The following TUSC3 variants were observed in gnomAD, a reference collection of about 807,000 sequenced individuals.
TUSC3 encodes the protein tumor suppressor candidate 3.
TUSC3 carries 45 observed loss-of-function variants against 44.8 expected under a neutral mutation model. The ratio of observed to expected loss-of-function variants is 1.00; its 90% CI spans 0.79 to 1.29. TUSC3 has a LOEUF of 1.29. Ranked by LOEUF, TUSC3 falls within the 50% of genes most tolerant of loss-of-function variation. TUSC3 has a pLI of 0.00. For missense variants in TUSC3, 519 were observed against 437.9 expected (o/e 1.19, Z -1.65); for synonymous variants, 212 against 152.9 (o/e 1.39, Z -2.85).
the TUSC3 span, among the ~76,000 whole-genome samples, chr8:15,828,342 A>T: frequency 2.0e-5 from 3 of 152,196 alleles, no homozygotes; most frequent in East Asian, 5.8e-4. Context: ...TTATAAACCT[A>T]GTTTTATATC....
intron 2 of TUSC3, among the ~76,000 whole-genome samples, chr8:15,509,924 C>A (rs1389217261): frequency 6.6e-6 from 1 of 152,144 alleles, no homozygotes; most frequent in African/African-American, 2.4e-5. Context: ...ATCCAGAAAG[C>A]TTTGGTTGGC....
chr8:15,772,949 T>C, the TUSC3 span, among the ~76,000 whole-genome samples: 4 of 32,728 alleles, frequency 1.2e-4, no homozygotes, highest in African/African-American at 5.3e-4. Context: ...CCAGATCTAA[T>C]ACCCATCCAT....
intron 5 of TUSC3, among the ~76,000 whole-genome samples, chr8:15,666,513 A>G (rs2129181316): frequency 6.6e-6 from 1 of 151,618 alleles, no homozygotes; most frequent in South Asian, 2.1e-4. Flanking sequence ...ATTTACATTC[A>G]TGAAAGGTAC....
chr8:15,768,879 G>A (rs764216703), downstream of TUSC3, among the ~76,000 whole-genome samples: 4 of 152,114 alleles, frequency 2.6e-5, no homozygotes, highest in East Asian at 1.9e-4. Context: ...CAAGGGATGC[G>A]AAGGACCTCT....
the TUSC3 span, among the ~76,000 whole-genome samples, chr8:15,819,927 C>T: frequency 6.6e-6 from 1 of 152,114 alleles, no homozygotes; most frequent in Non-Finnish European, 1.5e-5. Context: ...TCTTGTTAGT[C>T]ATATGGTCTA....
chr8:15,701,638 G>T (rs570965227), intron 6 of TUSC3, among the ~76,000 whole-genome samples: 15 of 152,094 alleles, frequency 9.9e-5, no homozygotes, highest in Non-Finnish European at 2.1e-4. Context: ...GAATTTAACT[G>T]CAGTAAGAAA....
rs1269739783 is a variant in TUSC3, at chr8:15,765,415, A to T, written c.*1259A>T. 1 of 152,026 alleles carries T rather than the reference A, an allele frequency of 6.6e-6. No homozygotes were observed. The highest frequency in any genetic ancestry group is 1.5e-5 in the Non-Finnish European group (1 of 67,926). 9.4% of individuals were successfully genotyped at this position (152,026 alleles called of 1,614,324 possible). A position where few individuals can be genotyped will look rare whatever the true frequency, so the allele number is the denominator to read the frequency against. ...TTCATTAAGATTTGAGTAACAGACC[A>T]TGGAGAATTGTTTTCATTGGGAGTT... On this transcript the variant is annotated 3_prime_UTR_variant, in exon 11 of 11. Coordinates refer to ENST00000503731, the MANE Select transcript of TUSC3 (RefSeq NM_006765.4).
chr8:15,675,115 C>G (rs1808125692), intron 6 of TUSC3, among the ~76,000 whole-genome samples: 1 of 151,956 alleles, frequency 6.6e-6, no homozygotes, highest in South Asian at 2.1e-4. Context: ...TTGCCATGAC[C>G]CTAGTAATAG....
At chr8:15,796,288 G>C in the TUSC3 span, among the ~76,000 whole-genome samples, 2 of 152,166 alleles carry the variant, frequency 1.3e-5, 1 homozygote, top group South Asian at 4.1e-4. Context: ...GGTGTATCTA[G>C]GTGAGTGGTC....
chr8:15,698,943 C>G (rs1307620543), intron 6 of TUSC3, among the ~76,000 whole-genome samples: 1 of 151,520 alleles, frequency 6.6e-6, no homozygotes. Context: ...AAATCCTAGG[C>G]TCAAGCCATC....
the TUSC3 span, among the ~76,000 whole-genome samples, chr8:15,834,159 C>T: frequency 1.3e-5 from 2 of 151,958 alleles, no homozygotes; most frequent in African/African-American, 2.4e-5. Flanking sequence ...GAAATCTTAC[C>T]GATATTAAAA....
At chr8:15,730,557 T>G in intron 6 of TUSC3, 109 bp from the exon 7 acceptor site, 1 of 1,052,554 alleles carries the variant, frequency 9.5e-7, no homozygotes. Flanking sequence ...TAATAAAAAA[T>G]TAGTAAAAAT....
chr8:15,464,741 T>G (rs1419632687), intron 1 of TUSC3, among the ~76,000 whole-genome samples: 1 of 152,238 alleles, frequency 6.6e-6, no homozygotes, highest in Admixed American at 6.5e-5. Context: ...GTATCATTTA[T>G]TTACAGCCAG....
the TUSC3 span, among the ~76,000 whole-genome samples, chr8:15,783,543 A>G: frequency 6.6e-6 from 1 of 152,054 alleles, no homozygotes; most frequent in Non-Finnish European, 1.5e-5. Flanking sequence ...CCAATGGAAT[A>G]GGATACAGAC....
intron 6 of TUSC3, among the ~76,000 whole-genome samples, chr8:15,720,249 C>A (rs1176723330): frequency 7.0e-6 from 1 of 143,340 alleles, no homozygotes; most frequent in East Asian, 2.1e-4. Flanking sequence ...GAACATTTCT[C>A]ATATACCTTG....
At chr8:15,822,933 T>A in the TUSC3 span, among the ~76,000 whole-genome samples, 1 of 152,136 alleles carries the variant, frequency 6.6e-6, no homozygotes, top group South Asian at 2.1e-4. Context: ...TATAACATAG[T>A]CAAGTTCACT....
At chr8:15,536,246 G>T (rs1316825378), upstream of TUSC3, among the ~76,000 whole-genome samples, 1 of 152,166 alleles carries the variant, frequency 6.6e-6, no homozygotes, top group Non-Finnish European at 1.5e-5. Context: ...AATAGGAAAT[G>T]ATGTTAGGAA....
chr8:15,585,678 G>A lies in TUSC3; in HGVS notation c.139-37402G>A, dbSNP rs73540533. Among the ~76,000 whole-genome samples, 1,434 of 152,162 alleles carry A rather than the reference G, an allele frequency of 9.4e-3. 19 individuals carry two copies. The highest frequency in any genetic ancestry group is 0.033 in the African/African-American group (1,350 of 41,502). On this transcript the variant is annotated intron_variant, in intron 1 of 10. Coordinates refer to ENST00000503731, the MANE Select transcript of TUSC3 (RefSeq NM_006765.4). ...GTTCCCCTTACTGTGGATGTTTTAG[G>A]GGATGGAATTTTCCATTGTGGGACT...
At chr8:15,425,471 T>C (rs1276999324) in intron 1 of TUSC3, among the ~76,000 whole-genome samples, 3 of 152,226 alleles carry the variant, frequency 2.0e-5, no homozygotes. Flanking sequence ...GAAAGATTTC[T>C]TTATTGGGGT....
Sources: gnomAD v4.1 joint callset for allele counts (sites outside exome capture counted in the v4.1 genomes callset) on GRCh38, gnomAD v4.1.1 for gene constraint, MANE v1.5 for transcripts, NCBI Gene and HGNC (gene_info 2026-07-23, HGNC 2026-07-21) for gene names.